The following AHI1 variants were observed in gnomAD, a reference collection of about 807,000 sequenced individuals.
AHI1 encodes Abelson helper integration site 1.
Under a neutral mutation model 149.3 loss-of-function variants are expected in AHI1, and 123 were observed. That is an observed-to-expected ratio of 0.82 (90% CI 0.71 to 0.96). The LOEUF is 0.96. Among genes scored for constraint, AHI1 ranks in the 40% least tolerant of loss-of-function variants. The probability of loss-of-function intolerance (pLI) is 0.00; values close to 1 mark genes in which losing one functional copy is unlikely to be tolerated. For missense variants in AHI1, 1,439 were observed against 1,422.7 expected (o/e 1.01, Z -0.18); for synonymous variants, 475 against 459.8 (o/e 1.03, Z -0.42).
chr6:135,384,248 T>A (rs1221031202), intron 23 of AHI1, among the ~76,000 whole-genome samples: 2 of 152,204 alleles, frequency 1.3e-5, no homozygotes, highest in Non-Finnish European at 2.9e-5. Flanking sequence ...GTTAGATAAA[T>A]TTAAAATAAA....
At chr6:135,433,968 G>T (rs1785018293) in intron 15 of AHI1, among the ~76,000 whole-genome samples, 1 of 151,868 alleles carries the variant, frequency 6.6e-6, no homozygotes, top group Non-Finnish European at 1.5e-5. Context: ...AAACCCTTAA[G>T]GGTTAACCTC....
intron 24 of AHI1, among the ~76,000 whole-genome samples, chr6:135,334,704 T>C (rs898582274): frequency 6.6e-6 from 1 of 152,218 alleles, no homozygotes; most frequent in African/African-American, 2.4e-5. Flanking sequence ...GACTACAGAT[T>C]TGTTAAGAGA....
intron 26 of AHI1, chr6:135,301,366 A>G: frequency 1.0e-6 from 1 of 978,814 alleles, no homozygotes; most frequent in Middle Eastern, 5.3e-4. Context: ...AGTAATCCAG[A>G]AAACATAAAA....
intron 21 of AHI1, among the ~76,000 whole-genome samples, chr6:135,406,768 T>C (rs1438326020): frequency 6.6e-6 from 1 of 152,176 alleles, no homozygotes; most frequent in Non-Finnish European, 1.5e-5. Flanking sequence ...TTAGACAGGA[T>C]GAGATCTTGA....
intron 26 of AHI1, among the ~76,000 whole-genome samples, chr6:135,310,447 T>C (rs1052247035): frequency 6.6e-6 from 1 of 152,208 alleles, no homozygotes; most frequent in African/African-American, 2.4e-5. Context: ...AGTTATCTAA[T>C]GCTTTTGGGT....
At chr6:135,412,072 A>AT (rs979974941) in intron 20 of AHI1, among the ~76,000 whole-genome samples, 8 of 150,182 alleles carry the variant, frequency 5.3e-5, no homozygotes, top group African/African-American at 7.3e-5. Context: ...AAGCACCGTA[A>AT]TTTTTTTTTT....
chr6:135,471,524 A>AT (rs914453820), intron 5 of AHI1, among the ~76,000 whole-genome samples: 15 of 151,858 alleles, frequency 9.9e-5, no homozygotes, highest in African/African-American at 2.4e-4. Flanking sequence ...GTACTGTACT[A>AT]TTTTTTTTAA....
chr6:135,377,450 AT>A (rs1438879356), intron 23 of AHI1, among the ~76,000 whole-genome samples: 1 of 149,696 alleles, frequency 6.7e-6, no homozygotes, highest in African/African-American at 2.5e-5. Flanking sequence ...AAGCAGAGTA[AT>A]CTGGCTTTGA....
intron 26 of AHI1, among the ~76,000 whole-genome samples, chr6:135,308,428 G>C (rs993270581): frequency 6.6e-6 from 1 of 152,108 alleles, no homozygotes; most frequent in African/African-American, 2.4e-5. Context: ...TAGAGATGGG[G>C]TTTCACCATG....
intron 22 of AHI1, among the ~76,000 whole-genome samples, chr6:135,398,236 T>A (rs1377408747): frequency 1.3e-4 from 20 of 152,120 alleles, no homozygotes; most frequent in Admixed American, 1.3e-3. Context: ...CTCTTGTGAT[T>A]TCTAGCTTAG....
At chr6:135,291,102 G>C (rs1314525711) in intron 27 of AHI1, among the ~76,000 whole-genome samples, 1 of 152,010 alleles carries the variant, frequency 6.6e-6, no homozygotes, top group Non-Finnish European at 1.5e-5. Flanking sequence ...TGAGTGTGTA[G>C]TAATGCACTT....
intron 15 of AHI1, among the ~76,000 whole-genome samples, chr6:135,437,927 AC>A (rs1785651294): frequency 6.6e-6 from 1 of 152,218 alleles, no homozygotes; most frequent in Non-Finnish European, 1.5e-5. Flanking sequence ...TAAATGTTTA[AC>A]CAATCTATAA....
chr6:135,300,442 C>A (rs1783722642), intron 27 of AHI1, 58 bp downstream of exon 27: 1 of 1,444,892 alleles, frequency 6.9e-7, no homozygotes, highest in Non-Finnish European at 9.2e-7. Flanking sequence ...GAGAAATTAT[C>A]CTTAAAAGAA....
rs553366477 is a variant in AHI1 at position 135,447,145 on chromosome 6, G to A, written c.1642C>T (p.Arg548Cys). 2.6e-5 allele frequency: 41 copies of A among 1,565,598 alleles called. No individual in the cohort carries two copies. In the African/African-American group the frequency reaches 3.4e-4, roughly 13 times the overall value. Residue 548 changes from arginine to cysteine, a missense_variant, in exon 13 of 29, where the codon CGC (arginine) becomes TGC (cysteine). Physicochemically the swap from Arg to Cys is radical, Grantham distance 180. Coordinates refer to ENST00000265602, the MANE Select transcript of AHI1 (RefSeq NM_001134831.2). ...TCCTCCTGAAGAGCCATCATAGAGC[G>A]GTAAGATGGCTTTATCTAAATATGC... ...KVPDCIKPSY[R>C]SMMALQEEKG...
chr6:135,311,667 A>G (rs1444744146), intron 26 of AHI1, among the ~76,000 whole-genome samples: 1 of 152,234 alleles, frequency 6.6e-6, no homozygotes, highest in East Asian at 1.9e-4. Flanking sequence ...AAAAAGCAAA[A>G]AAAGTCCAAA....
intron 23 of AHI1, among the ~76,000 whole-genome samples, chr6:135,362,938 C>T (rs1794138950): frequency 6.6e-6 from 1 of 151,866 alleles, no homozygotes; most frequent in African/African-American, 2.4e-5. Context: ...TTGCCTAAGC[C>T]AATGTCTAGT....
rs1781501044 is a variant in AHI1 at position 135,284,534 on chromosome 6, A to T, written c.*1111T>A. ...AATGAATATCCCATTATAATATCAA[A>T]CTTCAAAACATATAGTCTATAATAA... is the stretch of plus-strand genomic sequence containing the variant. On this transcript the variant is annotated 3_prime_UTR_variant, in exon 29 of 29. Transcript: ENST00000265602. 1 of 152,212 alleles carries T rather than the reference A, an allele frequency of 6.6e-6. No homozygotes were observed. The highest frequency in any genetic ancestry group is 1.5e-5 in the Non-Finnish European group (1 of 68,028). 9.4% of individuals were successfully genotyped at this position (152,212 alleles called of 1,614,324 possible).
At chr6:135,451,258 C>T (rs1212787886) in intron 11 of AHI1, among the ~76,000 whole-genome samples, 5 of 152,070 alleles carry the variant, frequency 3.3e-5, no homozygotes, top group Non-Finnish European at 5.9e-5. Flanking sequence ...CACCTCCCAG[C>T]GTGCTGGGAT....
At chr6:135,319,405 G>T (rs1786467321) in intron 25 of AHI1, among the ~76,000 whole-genome samples, 1 of 152,178 alleles carries the variant, frequency 6.6e-6, no homozygotes, top group Non-Finnish European at 1.5e-5. Flanking sequence ...AACCTGAGAG[G>T]TGGAGGTTGC....
Sources: allele counts gnomAD v4.1 joint callset (sites outside exome capture counted in the v4.1 genomes callset), GRCh38; gene constraint gnomAD v4.1.1; transcripts MANE v1.5; gene names NCBI Gene and HGNC (gene_info 2026-07-23, HGNC 2026-07-21).